Variants in ATRNL1 observed in about 807,000 individuals in gnomAD.
ATRNL1 encodes the protein attractin like 1, also known as attractin-like protein 1.
ATRNL1 carries 95 observed loss-of-function variants against 182.7 expected under a neutral mutation model. The observed-to-expected ratio is 0.52, with a 90% confidence interval of 0.44 to 0.62. The LOEUF (loss-of-function observed/expected upper bound fraction) is 0.62. Among genes scored for constraint, ATRNL1 ranks in the 20% least tolerant of loss-of-function variants. ATRNL1 has a pLI of 0.00. For synonymous variants in ATRNL1, 576 were observed against 568.3 expected (o/e 1.01, Z -0.19); for missense variants, 1,471 against 1,679.5 (o/e 0.88, Z 2.17).
chr10:115,829,741 A>C (rs1477614689), intron 27 of ATRNL1, among the ~76,000 whole-genome samples: 2 of 152,126 alleles, frequency 1.3e-5, no homozygotes, highest in East Asian at 3.9e-4. Flanking sequence ...GAGACTCCCC[A>C]AGAGCTAAAG....
chr10:115,131,923 T>C (rs956096417), intron 5 of ATRNL1, among the ~76,000 whole-genome samples: 2 of 152,146 alleles, frequency 1.3e-5, no homozygotes, highest in African/African-American at 4.8e-5. Context: ...GTCCTTTTTT[T>C]ATTTTTATTT....
At chr10:115,768,703 A>G (rs182960586) in intron 27 of ATRNL1, among the ~76,000 whole-genome samples, 1 of 152,212 alleles carries the variant, frequency 6.6e-6, no homozygotes. Context: ...GTAATTTAAA[A>G]GAGGATATTT....
intron 27 of ATRNL1, among the ~76,000 whole-genome samples, chr10:115,729,239 T>A (rs1407295925): frequency 6.6e-6 from 1 of 152,138 alleles, no homozygotes; most frequent in African/African-American, 2.4e-5. Context: ...ATGTTGGTTC[T>A]TTCTTTATCA....
intron 20 of ATRNL1, among the ~76,000 whole-genome samples, chr10:115,409,991 T>G (rs1845052557): frequency 6.6e-6 from 1 of 152,198 alleles, no homozygotes; most frequent in South Asian, 2.1e-4. Context: ...ATCATATGGC[T>G]TTTTTCCTTC....
chr10:115,681,316 G>C (rs11197407), intron 26 of ATRNL1, among the ~76,000 whole-genome samples: 2 of 152,096 alleles, frequency 1.3e-5, no homozygotes, highest in Non-Finnish European at 2.9e-5. Flanking sequence ...CAAAGTCACT[G>C]TAATAATAAT....
At chr10:115,544,492 G>T (rs977032706) in intron 25 of ATRNL1, among the ~76,000 whole-genome samples, 2 of 152,112 alleles carry the variant, frequency 1.3e-5, no homozygotes, top group Non-Finnish European at 2.9e-5. Context: ...GAAGGTGAAG[G>T]GGGGGCAGGC....
At chr10:115,183,432 G>T (rs1419321850) in intron 8 of ATRNL1, among the ~76,000 whole-genome samples, 3 of 150,986 alleles carry the variant, frequency 2.0e-5, no homozygotes, top group Admixed American at 2.0e-4. Flanking sequence ...TAATTTTTTT[G>T]AAAAAAACAG....
intron 26 of ATRNL1, among the ~76,000 whole-genome samples, chr10:115,721,918 C>A (rs575119628): frequency 7.9e-5 from 12 of 152,146 alleles, no homozygotes; most frequent in South Asian, 4.2e-4. Flanking sequence ...AAATAGCAAC[C>A]CCAAATAACT....
intron 8 of ATRNL1, among the ~76,000 whole-genome samples, chr10:115,187,023 A>G (rs1847968464): frequency 1.3e-5 from 2 of 152,160 alleles, no homozygotes; most frequent in Admixed American, 1.3e-4. Context: ...GCTCAATATT[A>G]CTAGTCATCA....
chr10:115,755,541 C>T (rs1200790487), intron 27 of ATRNL1, among the ~76,000 whole-genome samples: 2 of 152,002 alleles, frequency 1.3e-5, no homozygotes, highest in African/African-American at 4.8e-5. Flanking sequence ...GGTGGATAAG[C>T]TTTTTGATAC....
At chr10:115,574,026 C>A (rs1481879856) in intron 26 of ATRNL1, among the ~76,000 whole-genome samples, 2 of 152,062 alleles carry the variant, frequency 1.3e-5, no homozygotes, top group South Asian at 2.1e-4. Context: ...CTTCTGTAAA[C>A]CACTTAAAGC....
At chr10:115,482,708 A>G (rs188479263) in intron 24 of ATRNL1, among the ~76,000 whole-genome samples, 223 of 151,292 alleles carry the variant, frequency 1.5e-3, no homozygotes, top group African/African-American at 5.3e-3. Flanking sequence ...GCTTTATTTA[A>G]GAATCATTAT....
At chr10:115,119,708 C>T (rs1222378763) in intron 1 of ATRNL1, among the ~76,000 whole-genome samples, 1 of 151,978 alleles carries the variant, frequency 6.6e-6, no homozygotes, top group East Asian at 1.9e-4. Context: ...TAGCAGAACT[C>T]TTTCAAGTTT....
chr10:115,545,498 C>T (rs1298836291), intron 25 of ATRNL1, among the ~76,000 whole-genome samples: 1 of 152,032 alleles, frequency 6.6e-6, no homozygotes, highest in African/African-American at 2.4e-5. Flanking sequence ...TGTATAACTC[C>T]TTGTTTCAAG....
At chr10:115,714,479 A>C (rs1947186558) in intron 26 of ATRNL1, among the ~76,000 whole-genome samples, 1 of 152,136 alleles carries the variant, frequency 6.6e-6, no homozygotes, top group Non-Finnish European at 1.5e-5. Context: ...CCCAGTGTGC[A>C]TTCCTCCCAT....
chr10:115,813,549 A>T (rs1393426886), intron 27 of ATRNL1, among the ~76,000 whole-genome samples: 4 of 152,242 alleles, frequency 2.6e-5, no homozygotes. Context: ...GCAGTAAGAT[A>T]GCTGCTGGTT....
At chr10:115,766,713 A>G (rs1038262887) in intron 27 of ATRNL1, among the ~76,000 whole-genome samples, 2 of 152,210 alleles carry the variant, frequency 1.3e-5, no homozygotes, top group East Asian at 1.9e-4. Context: ...AAGTGTAGAA[A>G]AAGTGCTTTT....
intron 10 of ATRNL1, among the ~76,000 whole-genome samples, chr10:115,258,345 G>A (rs538073041): frequency 2.8e-4 from 42 of 151,608 alleles, no homozygotes; most frequent in Non-Finnish European, 3.8e-4. Context: ...TTTTCTTCTC[G>A]CTTTATTTCA....
At chr10:115,167,862 AG>A (rs1166518563) in intron 7 of ATRNL1, among the ~76,000 whole-genome samples, 2 of 152,080 alleles carry the variant, frequency 1.3e-5, no homozygotes, top group Non-Finnish European at 2.9e-5. Context: ...AGTGGTTTTT[AG>A]TATATTCAGA....
Sources: allele counts gnomAD v4.1 joint callset (sites outside exome capture counted in the v4.1 genomes callset), GRCh38; gene constraint gnomAD v4.1.1; transcripts MANE v1.5; gene names NCBI Gene and HGNC (gene_info 2026-07-23, HGNC 2026-07-21).